NCOA3: variants seen among roughly 807,000 people sequenced by gnomAD.
NCOA3 encodes nuclear receptor coactivator 3, also known as CBP-interacting protein.
Under a neutral mutation model 158.8 loss-of-function variants are expected in NCOA3, and 51 were observed. The observed-to-expected ratio is 0.32, with a 90% CI of 0.26 to 0.41. NCOA3 has a LOEUF of 0.41. Ranked by LOEUF, NCOA3 falls within the 10% of genes least tolerant of loss-of-function variation. The pLI is 1.00. For synonymous variants in NCOA3, 537 were observed against 592.4 expected, an observed-to-expected ratio of 0.91 and a Z score of 1.36; for missense variants, 1,510 against 1,746.6, an observed-to-expected ratio of 0.86 and a Z score of 2.41.
At chr20:47,619,791 ATTC>A (rs1453314200) in intron 2 of NCOA3, among the ~76,000 whole-genome samples, 7 of 151,894 alleles carry the variant, frequency 4.6e-5, no homozygotes, top group Admixed American at 3.9e-4. Context: ...TGGAATCACT[ATTC>A]TTTTTATTTT....
At chr20:47,557,352 C>T (rs1271989154) in intron 1 of NCOA3, among the ~76,000 whole-genome samples, 2 of 152,162 alleles carry the variant, frequency 1.3e-5, no homozygotes, top group Non-Finnish European at 2.9e-5. Flanking sequence ...AGGTGCTTAA[C>T]TTGGCTTTCT....
At chr20:47,602,127 A>G (rs970635641) in intron 2 of NCOA3, among the ~76,000 whole-genome samples, 4 of 152,228 alleles carry the variant, frequency 2.6e-5, no homozygotes, top group Non-Finnish European at 2.9e-5. Context: ...ATTCATTTAC[A>G]TGGAATTTAT....
intron 2 of NCOA3, among the ~76,000 whole-genome samples, chr20:47,606,924 G>A (rs940494914): frequency 1.3e-5 from 2 of 152,158 alleles, no homozygotes; most frequent in African/African-American, 2.4e-5. Context: ...GAGCATAACA[G>A]CCTTTTATTA....
rs1472787576 is a variant in NCOA3 at position 47,627,649 on chromosome 20, T to A, written c.621T>A (p.Ile207=). 5 of 1,613,984 alleles carry A rather than the reference T, an allele frequency of 3.1e-6. No individual in the cohort carries two copies. The highest frequency in any genetic ancestry group is 4.2e-6 in the Non-Finnish European group (5 of 1,179,990). Residue 207 remains isoleucine, a synonymous_variant, in exon 7 of 23, where the codon ATT becomes ATA. Transcript: ENST00000371998. ...TGTTGATGAAAACACCACATGATAT[T>A]CTGGAAGACATAAACGCCAGTCCTG... ...CRMLMKTPHD[I]LEDINASPEM...
intron 1 of NCOA3, among the ~76,000 whole-genome samples, chr20:47,525,738 G>C (rs1206878): frequency 3.4e-4 from 24 of 70,992 alleles, no homozygotes; most frequent in Admixed American, 9.9e-4. Context: ...CCATCCCGGA[G>C]GGGGCGGCTG....
At chr20:47,614,497 T>C (rs2086100217) in intron 2 of NCOA3, among the ~76,000 whole-genome samples, 1 of 152,198 alleles carries the variant, frequency 6.6e-6, no homozygotes, top group Admixed American at 6.5e-5. Context: ...TTACTGTGAT[T>C]CTCAAGAAAT....
At chr20:47,592,581 G>GTTA (rs1277855503) in intron 2 of NCOA3, among the ~76,000 whole-genome samples, 2 of 152,180 alleles carry the variant, frequency 1.3e-5, no homozygotes, top group Non-Finnish European at 2.9e-5. Flanking sequence ...GTTTATCAAA[G>GTTA]TTATATACCT....
intron 1 of NCOA3, among the ~76,000 whole-genome samples, chr20:47,569,582 C>G (rs1218162226): frequency 6.6e-6 from 1 of 151,944 alleles, no homozygotes; most frequent in Non-Finnish European, 1.5e-5. Context: ...ACTTGGGAGG[C>G]TGAGGCACAA....
chr20:47,547,586 G>T (rs1441849602), intron 1 of NCOA3, among the ~76,000 whole-genome samples: 6 of 151,224 alleles, frequency 4.0e-5, no homozygotes, highest in East Asian at 1.9e-4. Flanking sequence ...CTAATTTTTT[G>T]TGTGTGTGTT....
chr20:47,530,877 G>T (rs1014219874), intron 1 of NCOA3, among the ~76,000 whole-genome samples: 1 of 152,282 alleles, frequency 6.6e-6, no homozygotes, highest in Admixed American at 6.5e-5. Context: ...GGCAAACAAG[G>T]TGTTATTATC....
At chr20:47,555,958 T>TTC (rs1555803839) in intron 1 of NCOA3, among the ~76,000 whole-genome samples, 7 of 149,254 alleles carry the variant, frequency 4.7e-5, no homozygotes, top group Non-Finnish European at 1.0e-4. Flanking sequence ...TTTTTTTTTT[T>TTC]CTGAGGCAGA....
At chr20:47,598,085 A>G (rs547745799) in intron 2 of NCOA3, among the ~76,000 whole-genome samples, 226 of 151,160 alleles carry the variant, frequency 1.5e-3, no homozygotes, top group African/African-American at 5.1e-3. Context: ...CTCCACTAAA[A>G]AATACAAAAA....
At chr20:47,597,307 T>A (rs189697565) in intron 2 of NCOA3, among the ~76,000 whole-genome samples, 2 of 152,304 alleles carry the variant, frequency 1.3e-5, no homozygotes, top group East Asian at 3.9e-4. Context: ...CCTTTTATAA[T>A]TGTCCCACCA....
intron 5 of NCOA3, among the ~76,000 whole-genome samples, chr20:47,626,338 A>G (rs1406577820): frequency 5.3e-5 from 8 of 152,178 alleles, no homozygotes; most frequent in Admixed American, 5.2e-4. Context: ...CTGTAGCTTG[A>G]CTTGGCATCA....
chr20:47,507,861 T>C (rs2084053506), intron 1 of NCOA3, among the ~76,000 whole-genome samples: 2 of 152,122 alleles, frequency 1.3e-5, no homozygotes, highest in Admixed American at 1.3e-4. Flanking sequence ...TCAGGTGATC[T>C]GCCCGCGTCG....
At chr20:47,642,488 G>A in intron 17 of NCOA3, 104 bp downstream of exon 17, 1 of 715,738 alleles carries the variant, frequency 1.4e-6, no homozygotes, top group Non-Finnish European at 2.0e-6. Flanking sequence ...GTCTCTCCTA[G>A]TACTTGTGTT....
chr20:47,605,015 A>G (rs2085921328), intron 2 of NCOA3, among the ~76,000 whole-genome samples: 1 of 152,028 alleles, frequency 6.6e-6, no homozygotes, highest in Non-Finnish European at 1.5e-5. Flanking sequence ...CTACAGGCGC[A>G]TGCCACTACC....
At chr20:47,565,344 T>C (rs2085175722) in intron 1 of NCOA3, among the ~76,000 whole-genome samples, 1 of 152,146 alleles carries the variant, frequency 6.6e-6, no homozygotes, top group Non-Finnish European at 1.5e-5. Context: ...GACATGGCTT[T>C]CCCTTATCCA....
intron 16 of NCOA3, among the ~76,000 whole-genome samples, chr20:47,641,478 C>T (rs1371561883): frequency 1.4e-5 from 2 of 146,054 alleles, no homozygotes; most frequent in Non-Finnish European, 3.0e-5. Flanking sequence ...AGCCACCACG[C>T]CTGGCTCCCT....
Sources: allele counts gnomAD v4.1 joint callset (sites outside exome capture counted in the v4.1 genomes callset), GRCh38; gene constraint gnomAD v4.1.1; transcripts MANE v1.5; gene names NCBI Gene and HGNC (gene_info 2026-07-23, HGNC 2026-07-21).